Variants in CCDC83 observed in about 807,000 individuals in gnomAD.
CCDC83 encodes the protein coiled-coil domain containing 83, also known as coiled-coil domain-containing protein 83.
In CCDC83, 54 loss-of-function variants were observed where a neutral mutation model predicts 50.1. The observed-to-expected ratio is 1.08, with a 90% CI of 0.87 to 1.35. The LOEUF is 1.35. CCDC83 is among the 40% of genes most tolerant of loss of function. The pLI is 0.00. For synonymous variants in CCDC83, 161 were observed against 153.3 expected (o/e 1.05, Z -0.37); for missense variants, 518 against 473.9 (o/e 1.09, Z -0.86).
chr11:85,903,342 T>A (rs2093410824), intron 7 of CCDC83, among the ~76,000 whole-genome samples: 2 of 152,234 alleles, frequency 1.3e-5, no homozygotes, highest in Admixed American at 6.5e-5. Context: ...TCACCCAGGC[T>A]GGAATGCAGT....
At chr11:85,859,545 G>A (rs1264451608) in intron 1 of CCDC83, among the ~76,000 whole-genome samples, 2 of 152,138 alleles carry the variant, frequency 1.3e-5, no homozygotes, top group African/African-American at 4.8e-5. Context: ...TTTTGTGACA[G>A]AGTCAATGAT....
At chr11:85,917,166 G>GAGAAAGAAAGAAAGAA (rs1554986880) in intron 10 of CCDC83, among the ~76,000 whole-genome samples, 24 of 62,426 alleles carry the variant, frequency 3.8e-4, no homozygotes, top group Admixed American at 6.2e-4. Context: ...GAGAGAGAGA[G>GAGAAAGAAAGAAAGAA]AGAAAGAAAG....
intron 1 of CCDC83, among the ~76,000 whole-genome samples, chr11:85,859,045 C>T (rs371327014): frequency 3.2e-4 from 47 of 148,756 alleles, no homozygotes; most frequent in African/African-American, 1.1e-3. Flanking sequence ...CACTTTGTAA[C>T]AAGATAATTC....
At chr11:85,885,318 CT>C (rs2093321730) in intron 4 of CCDC83, among the ~76,000 whole-genome samples, 1 of 152,174 alleles carries the variant, frequency 6.6e-6, no homozygotes, top group Non-Finnish European at 1.5e-5. Context: ...GATTGAAATG[CT>C]TCAGTCATTC....
At chr11:85,862,130 T>C (rs2093179889) in intron 1 of CCDC83, among the ~76,000 whole-genome samples, 1 of 151,746 alleles carries the variant, frequency 6.6e-6, no homozygotes, top group Non-Finnish European at 1.5e-5. Context: ...CAAAGCAGTA[T>C]GGGATAACTA....
intron 3 of CCDC83, among the ~76,000 whole-genome samples, chr11:85,876,240 T>C (rs1453132461): frequency 6.6e-6 from 1 of 152,212 alleles, no homozygotes. Context: ...TCATCTCACT[T>C]AACACTATGG....
chr11:85,889,814 G>C (rs1362657390), intron 5 of CCDC83, among the ~76,000 whole-genome samples: 1 of 152,172 alleles, frequency 6.6e-6, no homozygotes, highest in African/African-American at 2.4e-5. Context: ...TGGGCTGGGA[G>C]GTTGCTGTAA....
At chr11:85,915,292 C>T (rs780247507) in intron 8 of CCDC83, 127 bp from the exon 9 acceptor site, 23 of 669,430 alleles carry the variant, frequency 3.4e-5, no homozygotes, top group Non-Finnish European at 5.6e-5. Context: ...TTATGCTCCT[C>T]AGGGTAGAAA....
intron 7 of CCDC83, among the ~76,000 whole-genome samples, chr11:85,902,151 C>G (rs1465677213): frequency 6.7e-6 from 1 of 149,934 alleles, no homozygotes; most frequent in Non-Finnish European, 1.5e-5. Flanking sequence ...AAAGGAAAAT[C>G]CTAAAAGATT....
chr11:85,895,288 TAAAG>T lies in CCDC83; in HGVS notation c.512-2_513del. On this transcript the variant is annotated splice_acceptor_variant and splice_polypyrimidine_tract_variant and intron_variant, in intron 5 of 10. Transcript: ENST00000342404. LOFTEE classifies it high-confidence loss of function. ...TCTTTTTTTTTTTTTTTTTTTTTTT[TAAAG>T]AACACTATAAAATCACTCTGGAAGA... 2 of 555,904 alleles carry T rather than the reference TAAAG, an allele frequency of 3.6e-6. No individual in the cohort carries two copies. Among genetic ancestry groups the T allele is most frequent in the Non-Finnish European group, 2.6e-6 (1 of 378,358 alleles). The allele number at this position is 555,904 out of a possible 1,614,324, so 34.4% of individuals were successfully genotyped here.
At chr11:85,871,724 T>C (rs549058666) in intron 2 of CCDC83, among the ~76,000 whole-genome samples, 15 of 152,324 alleles carry the variant, frequency 9.8e-5, no homozygotes, top group Non-Finnish European at 2.1e-4. Context: ...TGAGATCATG[T>C]AGACAAGAAG....
intron 5 of CCDC83, 73 bp downstream of exon 5, chr11:85,886,440 A>C (rs2093327447): frequency 1.7e-6 from 2 of 1,207,142 alleles, no homozygotes. Flanking sequence ...TGGAAGAAAA[A>C]AGTGCATACT....
intron 7 of CCDC83, among the ~76,000 whole-genome samples, chr11:85,901,542 C>T (rs1322974493): frequency 6.7e-6 from 1 of 150,272 alleles, no homozygotes; most frequent in Non-Finnish European, 1.5e-5. Flanking sequence ...CACTGCACTC[C>T]AGCCTGGGCA....
intron 7 of CCDC83, among the ~76,000 whole-genome samples, chr11:85,900,944 A>G (rs537978855): frequency 6.6e-6 from 1 of 152,166 alleles, no homozygotes; most frequent in Admixed American, 6.5e-5. Context: ...TCACACCTGT[A>G]GTCCCAGCTA....
intron 7 of CCDC83, among the ~76,000 whole-genome samples, chr11:85,909,937 G>A (rs1226080931): frequency 6.6e-6 from 1 of 151,944 alleles, no homozygotes; most frequent in African/African-American, 2.4e-5. Context: ...TCACCTACAG[G>A]ATAAAAACCA....
intron 7 of CCDC83, among the ~76,000 whole-genome samples, chr11:85,907,852 G>C (rs140783333): frequency 1.3e-3 from 202 of 152,292 alleles, no homozygotes; most frequent in Non-Finnish European, 2.2e-3. Context: ...TTTCGAAAGA[G>C]ACCAAGAACT....
intron 6 of CCDC83, 23 bp from the exon 7 acceptor site, chr11:85,898,924 T>G: frequency 6.3e-7 from 1 of 1,576,682 alleles, no homozygotes; most frequent in Non-Finnish European, 8.7e-7. Flanking sequence ...CAACTCTTCC[T>G]TAATCCAGAA....
In CCDC83 at chr11:85,855,787, C is replaced by G. The variant is rs909341657; in HGVS notation, c.-29+203C>G. 5.9e-5 allele frequency among the ~76,000 whole-genome samples: 9 copies of G among 152,300 alleles called. No homozygotes were observed. The East Asian group carries it at 1.7e-3, about 29-fold the overall frequency. ...CAGAGACTTGGCCTAGGTTATACAA[C>G]TCTGTGCAGGAGCTGGGACTAAGCT... On this transcript the variant is annotated intron_variant, in intron 1 of 10. Transcript: ENST00000342404.
chr11:85,893,810 C>G (rs2093360587), intron 5 of CCDC83, among the ~76,000 whole-genome samples: 1 of 152,130 alleles, frequency 6.6e-6, no homozygotes, highest in South Asian at 2.1e-4. Context: ...CTCCCATCAC[C>G]CCCAGATGGG....
Sources: gnomAD v4.1 joint callset for allele counts (sites outside exome capture counted in the v4.1 genomes callset) on GRCh38, gnomAD v4.1.1 for gene constraint, MANE v1.5 for transcripts, NCBI Gene and HGNC (gene_info 2026-07-23, HGNC 2026-07-21) for gene names.